Variants in MTOR observed in about 807,000 individuals in gnomAD.
MTOR encodes the protein mechanistic target of rapamycin kinase, also known as serine/threonine-protein kinase mTOR.
A neutral mutation model predicts 319.8 loss-of-function variants in MTOR; 70 were observed. The observed-to-expected ratio is 0.22, with a 90% CI of 0.18 to 0.27. MTOR has a LOEUF of 0.27. MTOR is among the 10% of genes least tolerant of loss of function. The pLI is 1.00. For missense variants in MTOR, 1,890 were observed against 3,274.4 expected, an observed-to-expected ratio of 0.58 and a Z score of 10.32; for synonymous variants, 1,183 against 1,211.4, an observed-to-expected ratio of 0.98 and a Z score of 0.49.
At chr1:11,213,625 C>A (rs1221710379) in intron 20 of MTOR, 59 bp from the exon 21 acceptor site, 27 of 1,544,416 alleles carry the variant, frequency 1.7e-5, no homozygotes, top group Non-Finnish European at 2.4e-5. Flanking sequence ...GATATATGAA[C>A]AAAGGAATCA....
At chr1:11,110,790 C>T (rs1006660640) in intron 54 of MTOR, among the ~76,000 whole-genome samples, 2 of 152,140 alleles carry the variant, frequency 1.3e-5, no homozygotes, top group African/African-American at 2.4e-5. Context: ...CTCCTGGGCT[C>T]AAGTGCTCCT....
At chr1:11,191,417 C>T (rs28990996) in intron 28 of MTOR, among the ~76,000 whole-genome samples, 1 of 152,164 alleles carries the variant, frequency 6.6e-6, no homozygotes. Flanking sequence ...CCTCAGACAA[C>T]TCCCATCTGC....
At chr1:11,245,327 G>A (rs1557478974) in intron 8 of MTOR, among the ~76,000 whole-genome samples, 1 of 152,180 alleles carries the variant, frequency 6.6e-6, no homozygotes. Flanking sequence ...ACATAAAATA[G>A]GAGAGAAGGG....
intron 34 of MTOR, chr1:11,143,772 A>G (rs1257563260): frequency 6.6e-6 from 1 of 152,170 alleles, no homozygotes; most frequent in Non-Finnish European, 1.5e-5. Context: ...GATCTAGTTG[A>G]GAGGAAATGG....
chr1:11,223,722 T>A (rs1395246164), intron 19 of MTOR, among the ~76,000 whole-genome samples: 1 of 151,870 alleles, frequency 6.6e-6, no homozygotes, highest in Non-Finnish European at 1.5e-5. Context: ...ACAAAAAGAA[T>A]GCACTAAGTA....
chr1:11,109,415 A>G lies in MTOR; in HGVS notation c.7448-45T>C. On this transcript the variant is annotated intron_variant, in intron 55 of 57. Coordinates refer to ENST00000361445, the MANE Select transcript of MTOR (RefSeq NM_004958.4). This position sits in a 1 kb window ranked among gnomAD's most constrained non-coding sequence, Gnocchi z 4.0. ...AAATAACTGTAAGAATGGGAGCAAT[A>G]CAACAGGTTCAATGGGTGCCCTGTT... 1 of 1,573,798 alleles carries G rather than the reference A, an allele frequency of 6.4e-7. No individual in the cohort carries two copies. The highest frequency in any genetic ancestry group is 8.7e-7 in the Non-Finnish European group (1 of 1,145,766).
intron 28 of MTOR, among the ~76,000 whole-genome samples, chr1:11,176,935 A>C (rs1645011745): frequency 6.6e-6 from 1 of 152,162 alleles, no homozygotes; most frequent in African/African-American, 2.4e-5. Context: ...TGAACAGACT[A>C]ATGTAGAAGA....
In MTOR at chr1:11,233,164, A is replaced by G. The variant is rs188861835; in HGVS notation, c.2421+234T>C. 319 of 933,486 alleles carry G rather than the reference A, an allele frequency of 3.4e-4. 2 individuals are homozygous for G. The highest frequency in any genetic ancestry group is 9.9e-4 in the Middle Eastern group (3 of 3,016). The allele number at this position is 933,486 out of a possible 1,614,324, so 57.8% of individuals were successfully genotyped here. ...CACACATTTATGCTGTCTGAAGGTC[A>G]CAATGATATTACCATATCAAGCTGA... is the stretch of plus-strand genomic sequence containing the variant. On this transcript the variant is annotated intron_variant, in intron 15 of 57. Coordinates refer to ENST00000361445, the MANE Select transcript of MTOR (RefSeq NM_004958.4).
intron 8 of MTOR, 106 bp from the exon 9 acceptor site, chr1:11,243,406 A>G (rs1027492648): frequency 7.2e-6 from 8 of 1,110,936 alleles, no homozygotes; most frequent in African/African-American, 1.6e-5. Context: ...TAAATTAAGA[A>G]AGTGGCCAGG....
intron 25 of MTOR, 27 bp downstream of exon 25, chr1:11,209,285 C>G (rs901495661): frequency 7.4e-6 from 12 of 1,613,880 alleles, no homozygotes; most frequent in Non-Finnish European, 1.0e-5. Context: ...GCTCTCCTTT[C>G]CCAGTCACCT....
chr1:11,202,324 G>A (rs1645998136), intron 26 of MTOR, among the ~76,000 whole-genome samples: 1 of 150,534 alleles, frequency 6.6e-6, no homozygotes, highest in African/African-American at 2.5e-5. Flanking sequence ...GGGAGGCTGA[G>A]GCAGGAGAAT....
chr1:11,153,284 T>C (rs533156271), intron 30 of MTOR, among the ~76,000 whole-genome samples: 21 of 152,218 alleles, frequency 1.4e-4, no homozygotes, highest in African/African-American at 4.8e-4. Flanking sequence ...ATTCAAAGAA[T>C]GGAACGAATG....
chr1:11,212,319 C>A lies in MTOR; in HGVS notation c.3554G>T (p.Gly1185Val). 6.2e-7 allele frequency: 1 copy of A among 1,613,182 alleles called. No individual in the cohort carries two copies. Among genetic ancestry groups the A allele is most frequent in the South Asian group, 1.1e-5 (1 of 90,956 alleles). ...DTLSSLVFQL[G>V]KKYQIFIPMV... The stretch of plus-strand genomic sequence containing the variant: ...TCCAGACTCCCATCTTACCTTCTTC[C>A]CCAGCTGAAAAACAAGTGAAGACAG... Residue 1185 changes from glycine (G) to valine (V), a missense_variant, in exon 23 of 58, where the codon GGG (glycine) becomes GTG (valine). This residue lies in a region of MTOR where 115 missense variants were observed against 105.7 expected (regional missense o/e 1.09). Transcript: ENST00000361445. This position sits in a 1 kb window ranked among gnomAD's most constrained non-coding sequence, Gnocchi z 4.1.
rs2100411758 is a variant in MTOR at position 11,127,951 on chromosome 1, C to T, written c.6033+53G>A. 3.1e-6 allele frequency: 5 copies of T among 1,606,788 alleles called. No individual in the cohort carries two copies. Among genetic ancestry groups the T allele is most frequent in the Non-Finnish European group, 4.2e-6 (5 of 1,177,624 alleles). On this transcript the variant is annotated intron_variant, in intron 43 of 57. Transcript: ENST00000361445. The surrounding 1 kb of genome is among the most constrained non-coding windows in gnomAD (Gnocchi z 5.5). ...AGGAAGAAAAACAATCCCACTTGCG[C>T]CCACCAGCTAAGGGACCAGGGTCTA... is the stretch of plus-strand genomic sequence containing the variant.
chr1:11,252,050 T>C (rs1433564466), intron 6 of MTOR, among the ~76,000 whole-genome samples: 1 of 152,146 alleles, frequency 6.6e-6, no homozygotes, highest in Non-Finnish European at 1.5e-5. Flanking sequence ...TTAGTATCCA[T>C]GGGGGTTGGT....
chr1:11,225,394 T>C (rs2100839846), intron 19 of MTOR, among the ~76,000 whole-genome samples: 1 of 149,588 alleles, frequency 6.7e-6, no homozygotes, highest in East Asian at 2.0e-4. Flanking sequence ...AGTAAAATAA[T>C]AATAGATCAA....
chr1:11,236,137 CTTTTT>C (rs1224891837), intron 13 of MTOR, among the ~76,000 whole-genome samples: 2 of 138,368 alleles, frequency 1.4e-5, no homozygotes, highest in African/African-American at 2.7e-5. Flanking sequence ...TTATTTTTTC[CTTTTT>C]TTTTTTTTTT....
intron 1 of MTOR, among the ~76,000 whole-genome samples, chr1:11,260,789 C>T (rs1188264985): frequency 2.0e-5 from 3 of 148,320 alleles, no homozygotes; most frequent in Admixed American, 2.0e-4. Context: ...TTGGACTAGT[C>T]ATTTTTTTTT....
At position 11,126,641 on chromosome 1, in the gene MTOR, G is replaced by C. The variant is rs749458763; in HGVS notation, c.6507C>G (p.Pro2169=). ...CCTTACCCATAAGTGTCAATTTCCG[G>C]GGCCTCTGCTTGGATGTGATGACTT... ...SLQVITSKQR[P]RKLTLMGSNG... is the part of the protein sequence containing the mutation. Residue 2169 remains proline, a synonymous_variant, in exon 46 of 58, where the codon CCC becomes CCG. Coordinates refer to ENST00000361445, the MANE Select transcript of MTOR (RefSeq NM_004958.4). The C allele has an allele frequency of 1.2e-6, 2 of 1,613,950 alleles. No homozygotes were observed. The highest frequency in any genetic ancestry group is 1.7e-6 in the Non-Finnish European group (2 of 1,180,002).
Sources: gnomAD v4.1 joint callset for allele counts (sites outside exome capture counted in the v4.1 genomes callset) on GRCh38, gnomAD v4.1.1 for gene constraint, gnomAD v4.1.1 regional missense constraint, Gnocchi (gnomAD v3.1) non-coding constraint, MANE v1.5 for transcripts, NCBI Gene and HGNC (gene_info 2026-07-23, HGNC 2026-07-21) for gene names.